Variants in BRF1 observed in about 807,000 individuals in gnomAD.
BRF1 encodes BRF1 general transcription factor IIIB subunit, also known as transcription factor IIIB 90 kDa subunit.
A neutral mutation model predicts 81.7 loss-of-function variants in BRF1; 59 were observed. That is an observed-to-expected ratio of 0.72 (90% confidence interval 0.59 to 0.90). The LOEUF (loss-of-function observed/expected upper bound fraction) is 0.90. BRF1 is among the 40% of genes least tolerant of loss of function. The probability of loss-of-function intolerance (pLI) is 0.00; values close to 1 mark genes in which losing one functional copy is unlikely to be tolerated. For missense variants in BRF1, 1,050 were observed against 936.3 expected (o/e 1.12, Z -1.58); for synonymous variants, 491 against 395.6 (o/e 1.24, Z -2.86).
chr14:105,263,770 A>G (rs587761288), intron 3 of BRF1, among the ~76,000 whole-genome samples: 1 of 152,116 alleles, frequency 6.6e-6, no homozygotes, highest in South Asian at 2.1e-4. Flanking sequence ...CTAAAAATAC[A>G]AAAAATCAGC....
chr14:105,248,987 G>A (rs2055369154), intron 5 of BRF1: 1 of 988,314 alleles, frequency 1.0e-6, no homozygotes, highest in Non-Finnish European at 1.2e-6. Context: ...GCGCCCCCGC[G>A]CCAGCGCCGC....
intron 2 of BRF1, among the ~76,000 whole-genome samples, chr14:105,275,804 C>T (rs976477427): frequency 2.0e-5 from 3 of 152,244 alleles, no homozygotes; most frequent in Non-Finnish European, 2.9e-5. Flanking sequence ...AGGGCCTTTG[C>T]GGGAGACTAG....
chr14:105,219,837 A>G (rs2141462067), intron 12 of BRF1: 1 of 584,912 alleles, frequency 1.7e-6, no homozygotes, highest in Non-Finnish European at 3.1e-6. Context: ...GGCCGCAAGG[A>G]CCAGGCGCAA....
At chr14:105,248,787 C>G in intron 5 of BRF1, 1 of 982,420 alleles carries the variant, frequency 1.0e-6, no homozygotes, top group Non-Finnish European at 1.2e-6. Context: ...TGCAGAGCCG[C>G]TCCCGAGGCC....
At chr14:105,267,088 C>G (rs1051978554) in intron 3 of BRF1, among the ~76,000 whole-genome samples, 1 of 152,144 alleles carries the variant, frequency 6.6e-6, no homozygotes, top group Non-Finnish European at 1.5e-5. Context: ...TTATGAGCAG[C>G]AGACACAGTT....
intron 14 of BRF1, among the ~76,000 whole-genome samples, chr14:105,218,697 A>AGGG (rs1891736427): frequency 6.6e-6 from 1 of 152,234 alleles, no homozygotes; most frequent in Non-Finnish European, 1.5e-5. Context: ...TAACACAGGC[A>AGGG]GGGACCCCAG....
chr14:105,214,023 G>A (rs1002067322), intron 15 of BRF1, among the ~76,000 whole-genome samples: 1 of 152,250 alleles, frequency 6.6e-6, no homozygotes, highest in Non-Finnish European at 1.5e-5. Flanking sequence ...CCCCAGCCAG[G>A]GGCCTGAGGA....
chr14:105,282,485 G>C (rs939835019), intron 2 of BRF1, among the ~76,000 whole-genome samples: 1 of 152,196 alleles, frequency 6.6e-6, no homozygotes, highest in African/African-American at 2.4e-5. Flanking sequence ...TGGCGGGCGG[G>C]AGTGGAGGCC....
At chr14:105,216,898 G>A (rs952944703) in intron 15 of BRF1, among the ~76,000 whole-genome samples, 13 of 152,164 alleles carry the variant, frequency 8.5e-5, no homozygotes, top group Non-Finnish European at 1.5e-5. Context: ...CTGCCAGAGG[G>A]ACACATGGAC....
At chr14:105,248,004 G>A in intron 5 of BRF1, 1 of 985,490 alleles carries the variant, frequency 1.0e-6, no homozygotes, top group Non-Finnish European at 1.2e-6. Flanking sequence ...CCAAGCTCCA[G>A]GGCTGCAGGC....
chr14:105,297,621 G>C (rs890174757), intron 1 of BRF1, among the ~76,000 whole-genome samples: 1 of 152,064 alleles, frequency 6.6e-6, no homozygotes, highest in Non-Finnish European at 1.5e-5. Flanking sequence ...TATATCAAGA[G>C]GTTTAATGCA....
At chr14:105,218,213 G>GC (rs1468315420) in intron 14 of BRF1, among the ~76,000 whole-genome samples, 1 of 152,222 alleles carries the variant, frequency 6.6e-6, no homozygotes, top group Non-Finnish European at 1.5e-5. Context: ...CAGCACCGCT[G>GC]CCCACGTCAA....
rs1181060658 is a variant in BRF1, at chr14:105,271,434, G to A, written c.439+1287C>T. The stretch of plus-strand genomic sequence containing the variant: ...AGGCAAGGCGACGGCAGGGGCGCAG[G>A]CTGGGAGGCAGACATGTGGCCGGGC... On this transcript the variant is annotated intron_variant, in intron 3 of 17. Coordinates refer to ENST00000547530, the MANE Select transcript of BRF1 (RefSeq NM_001519.4). The surrounding 1 kb of genome is among the most constrained non-coding windows in gnomAD (Gnocchi z 5.5). Among the ~76,000 whole-genome samples, 1 of 152,228 alleles carries A rather than the reference G, an allele frequency of 6.6e-6. No individual in the cohort carries two copies. The highest frequency in any genetic ancestry group is 1.9e-4 in the East Asian group (1 of 5,188).
chr14:105,311,543 C>CT (rs1366689893), intron 1 of BRF1, among the ~76,000 whole-genome samples: 2 of 152,214 alleles, frequency 1.3e-5, no homozygotes, highest in African/African-American at 2.4e-5. Flanking sequence ...GTGTGAGCCC[C>CT]TGCGACTGGC....
At chr14:105,310,679 T>C (rs781478854) in intron 1 of BRF1, among the ~76,000 whole-genome samples, 6 of 152,152 alleles carry the variant, frequency 3.9e-5, no homozygotes, top group African/African-American at 1.4e-4. Context: ...CCCAGCCAGA[T>C]GGCGCCCGGC....
chr14:105,219,320 C>T (rs770894698), intron 12 of BRF1, 88 bp from the exon 13 acceptor site: 20 of 1,580,624 alleles, frequency 1.3e-5, no homozygotes, highest in Non-Finnish European at 1.4e-5. Context: ...GAAGTATTTC[C>T]ACCGTTAGAG....
chr14:105,248,356 T>G, intron 5 of BRF1: 2 of 985,466 alleles, frequency 2.0e-6, no homozygotes, highest in Non-Finnish European at 2.4e-6. Context: ...CACCTGCGCA[T>G]GGCACTGCGG....
intron 16 of BRF1, chr14:105,211,629 G>C (rs1890129746): frequency 2.8e-6 from 1 of 363,168 alleles, no homozygotes; most frequent in Non-Finnish European, 5.0e-6. Flanking sequence ...GCCCCCGGGG[G>C]CTTGGCCTGC....
chr14:105,228,125 T>A (rs2054131186), intron 7 of BRF1: 1 of 152,194 alleles, frequency 6.6e-6, no homozygotes, highest in Non-Finnish European at 1.5e-5. Flanking sequence ...GGCTTCTCAC[T>A]GGGACAGGGG....
Sources: allele counts gnomAD v4.1 joint callset (sites outside exome capture counted in the v4.1 genomes callset), GRCh38; gene constraint gnomAD v4.1.1; non-coding constraint Gnocchi (gnomAD v3.1); transcripts MANE v1.5; gene names NCBI Gene and HGNC (gene_info 2026-07-23, HGNC 2026-07-21).